Variants in DOK7 observed in about 807,000 individuals in gnomAD.
DOK7 encodes the protein protein Dok-7.
A neutral mutation model predicts 30.7 loss-of-function variants in DOK7; 32 were observed. The observed-to-expected ratio is 1.04, with a 90% CI of 0.79 to 1.40. DOK7 has a LOEUF of 1.40. Ranked by LOEUF, DOK7 falls within the 40% of genes most tolerant of loss-of-function variation. The pLI is 0.00. For missense variants in DOK7, 1,007 were observed against 699.2 expected, an observed-to-expected ratio of 1.44 and a Z score of -4.97; for synonymous variants, 447 against 324.1, an observed-to-expected ratio of 1.38 and a Z score of -4.07.
At chr4:3,482,306 G>T (rs953319287) in intron 4 of DOK7, among the ~76,000 whole-genome samples, 1 of 152,230 alleles carries the variant, frequency 6.6e-6, no homozygotes, top group African/African-American at 2.4e-5. Flanking sequence ...CCCATGAGGT[G>T]CTGCCTGGGG....
chr4:3,475,112 G>A (rs1726987550), intron 3 of DOK7, among the ~76,000 whole-genome samples: 1 of 152,236 alleles, frequency 6.6e-6, no homozygotes, highest in Non-Finnish European at 1.5e-5. Context: ...GAAGCTGGGG[G>A]CTTAGTGGGA....
intron 6 of DOK7, 86 bp from the exon 7 acceptor site, chr4:3,492,673 G>C: frequency 6.4e-7 from 1 of 1,571,336 alleles, no homozygotes; most frequent in Non-Finnish European, 8.6e-7. Context: ...GAGAGTGCTG[G>C]CCTGTGGGGG....
At chr4:3,500,553 C>A (rs1381583406) in intron 7 of DOK7, 8 of 1,483,370 alleles carry the variant, frequency 5.4e-6, no homozygotes, top group Non-Finnish European at 7.2e-6. Context: ...CAACTCCATC[C>A]CTGGCCAGGC....
At position 3,492,899 on chromosome 4, in the gene DOK7, C is replaced by A; in HGVS notation, c.913C>A (p.Gln305Lys). 6.3e-7 allele frequency: 1 copy of A among 1,584,926 alleles called. No individual in the cohort carries two copies. The highest frequency in any genetic ancestry group is 8.6e-7 in the Non-Finnish European group (1 of 1,168,406). The change falls in exon 7 of 7, where the codon CAG (glutamine) becomes AAG (lysine). Residue 305 changes from glutamine to lysine, a missense_variant. Coordinates refer to ENST00000340083, the MANE Select transcript of DOK7 (RefSeq NM_173660.5). ...SQEGPRPAAAQAAGEAMVGAS... is the reference protein window; with the variant it reads ...SQEGPRPAAAKAAGEAMVGAS... The stretch of plus-strand genomic sequence containing the variant: ...GGAGGGGCCTAGACCAGCAGCTGCC[C>A]AGGCCGCCGGGGAAGCCATGGTGGG...
At position 3,493,990 on chromosome 4, in the gene DOK7, CAG is replaced by C; in HGVS notation, c.*490_*491del. ...TCCGGCCACCTGGGCTCCACCAGCC[CAG>C]CCCCCCTGGGCTCCGTGTGCGCTGG... On this transcript the variant is annotated 3_prime_UTR_variant, in exon 7 of 7. Coordinates refer to ENST00000340083, the MANE Select transcript of DOK7 (RefSeq NM_173660.5). The C allele has an allele frequency of 1.0e-6, 1 of 973,802 alleles. No individual in the cohort carries two copies. 60.3% of individuals were successfully genotyped at this position (973,802 alleles called of 1,614,324 possible). A position where few individuals can be genotyped will look rare whatever the true frequency, so the allele number is the denominator to read the frequency against.
intron 6 of DOK7, among the ~76,000 whole-genome samples, chr4:3,490,406 C>T (rs1219056475): frequency 7.5e-3 from 66 of 8,846 alleles, no homozygotes; most frequent in African/African-American, 0.031. Flanking sequence ...GTCCTTCTTT[C>T]ACCCCCCCCA....
rs372585286 is a variant in DOK7 at position 3,493,822 on chromosome 4, G to T, written c.*321G>T. The stretch of plus-strand genomic sequence containing the variant: ...CTGCACCTCTGTTGGCTCGTGCCTT[G>T]CACTGGGGTGCCAAGGGCTGGAGGC... On this transcript the variant is annotated 3_prime_UTR_variant, in exon 7 of 7. Coordinates refer to ENST00000340083, the MANE Select transcript of DOK7 (RefSeq NM_173660.5). 3.2e-4 allele frequency: 400 copies of T among 1,241,478 alleles called. 3 individuals are homozygous for T. The African/African-American group carries it at 5.5e-3, about 17-fold the overall frequency. The allele number at this position is 1,241,478 out of a possible 1,614,324, so 76.9% of individuals were successfully genotyped here.
chr4:3,492,677 G>A (rs1281296055), intron 6 of DOK7, 82 bp from the exon 7 acceptor site: 2 of 1,580,072 alleles, frequency 1.3e-6, no homozygotes, highest in South Asian at 1.1e-5. Flanking sequence ...GTGCTGGCCT[G>A]TGGGGGTCCA....
downstream of DOK7, among the ~76,000 whole-genome samples, chr4:3,498,912 C>T (rs1010886635): frequency 2.6e-5 from 4 of 152,358 alleles, no homozygotes; most frequent in East Asian, 1.9e-4. Context: ...GAACCCTCGT[C>T]GACCTGGGCT....
chr4:3,467,997 T>C (rs1317892243), intron 2 of DOK7, among the ~76,000 whole-genome samples: 1 of 152,182 alleles, frequency 6.6e-6, no homozygotes, highest in Non-Finnish European at 1.5e-5. Flanking sequence ...CCCATCGCCT[T>C]GGGGGTGAAG....
At chr4:3,488,716 G>C (rs1284588343) in intron 5 of DOK7, among the ~76,000 whole-genome samples, 5 of 152,232 alleles carry the variant, frequency 3.3e-5, no homozygotes, top group Non-Finnish European at 7.3e-5. Context: ...GTGGGTGTCA[G>C]GAGGTGTGTT....
At chr4:3,486,911 C>T (rs561792331) in intron 5 of DOK7, among the ~76,000 whole-genome samples, 5 of 152,210 alleles carry the variant, frequency 3.3e-5, no homozygotes, top group South Asian at 2.1e-4. Context: ...CTCCTGCTCC[C>T]CTCAGGCAGT....
At chr4:3,471,418 C>G (rs1191649297) in intron 2 of DOK7, among the ~76,000 whole-genome samples, 2 of 152,184 alleles carry the variant, frequency 1.3e-5, no homozygotes, top group Non-Finnish European at 2.9e-5. Context: ...CTGTATGGTG[C>G]GTGATTATCC....
intron 2 of DOK7, among the ~76,000 whole-genome samples, chr4:3,472,760 G>A (rs552669093): frequency 9.2e-5 from 14 of 152,326 alleles, no homozygotes; most frequent in African/African-American, 3.1e-4. Context: ...TGGAGGGTCC[G>A]GGAGGCAGAA....
chr4:3,487,208 G>A (rs555649625), intron 5 of DOK7, among the ~76,000 whole-genome samples: 1 of 135,862 alleles, frequency 7.4e-6, no homozygotes, highest in South Asian at 2.7e-4. Flanking sequence ...AGGTGTGTGG[G>A]GGCCTCAGGC....
At chr4:3,481,333 C>G (rs1322092896) in intron 4 of DOK7, among the ~76,000 whole-genome samples, 1 of 151,770 alleles carries the variant, frequency 6.6e-6, no homozygotes, top group Non-Finnish European at 1.5e-5. Flanking sequence ...AGATGGAGGG[C>G]GAGGCTGCCC....
intron 7 of DOK7, chr4:3,500,647 G>A: frequency 6.5e-7 from 1 of 1,535,522 alleles, no homozygotes; most frequent in South Asian, 1.2e-5. Context: ...CACAGGGCTG[G>A]GTGGCTCGGG....
intron 2 of DOK7, among the ~76,000 whole-genome samples, chr4:3,467,461 C>A (rs539737792): frequency 2.0e-4 from 27 of 135,114 alleles, no homozygotes; most frequent in South Asian, 1.9e-3. Flanking sequence ...CCCCCCCCCC[C>A]ACCCCAGACA....
intron 5 of DOK7, among the ~76,000 whole-genome samples, chr4:3,488,115 G>A (rs529000553): frequency 6.6e-6 from 1 of 152,380 alleles, no homozygotes; most frequent in South Asian, 2.1e-4. Flanking sequence ...GAGGGGACAG[G>A]AGAGAGGCTT....
Sources: gnomAD v4.1 joint callset for allele counts (sites outside exome capture counted in the v4.1 genomes callset) on GRCh38, gnomAD v4.1.1 for gene constraint, MANE v1.5 for transcripts, NCBI Gene and HGNC (gene_info 2026-07-23, HGNC 2026-07-21) for gene names.